Variants in PLIN3 observed in about 807,000 individuals in gnomAD.
PLIN3 encodes perilipin 3, also known as perilipin-3.
Under a neutral mutation model 35.9 loss-of-function variants are expected in PLIN3, and 30 were observed. The ratio of observed to expected loss-of-function variants is 0.84; its 90% CI spans 0.62 to 1.13. The LOEUF (loss-of-function observed/expected upper bound fraction) is 1.13. Among genes scored for constraint, PLIN3 ranks in the 50% most tolerant of loss-of-function variants. The pLI, the probability that PLIN3 is intolerant of heterozygous loss-of-function variation, is 0.00. For missense variants in PLIN3, 603 were observed against 596.9 expected (o/e 1.01, Z -0.11); for synonymous variants, 261 against 262.5 (o/e 0.99, Z 0.06).
At chr19:4,861,445 C>T (rs2030673961) in intron 1 of PLIN3, 34 bp from the exon 2 acceptor site, 1 of 1,492,840 alleles carries the variant, frequency 6.7e-7, no homozygotes, top group African/African-American at 1.4e-5. Flanking sequence ...TACAGCCTGC[C>T]TGGCCCCACC....
intron 1 of PLIN3, among the ~76,000 whole-genome samples, chr19:4,865,237 C>G (rs112562380): frequency 6.6e-6 from 1 of 151,800 alleles, no homozygotes; most frequent in South Asian, 2.1e-4. Flanking sequence ...GCCTGTAATC[C>G]CAGCACTTTG....
intron 5 of PLIN3, among the ~76,000 whole-genome samples, chr19:4,849,962 T>G (rs1402115354): frequency 6.6e-6 from 1 of 151,832 alleles, no homozygotes; most frequent in Non-Finnish European, 1.5e-5. Context: ...TTATTTTTTT[T>G]GAGATGGAGT....
chr19:4,864,455 GTT>G (rs918927488), intron 1 of PLIN3, among the ~76,000 whole-genome samples: 1 of 134,846 alleles, frequency 7.4e-6, no homozygotes, highest in Admixed American at 7.4e-5. Flanking sequence ...GCCGTGGTTT[GTT>G]TTTTTTTTTG....
At chr19:4,861,445 C>G (rs2030673961) in intron 1 of PLIN3, 34 bp from the exon 2 acceptor site, 3 of 1,492,842 alleles carry the variant, frequency 2.0e-6, no homozygotes, top group Non-Finnish European at 2.8e-6. Context: ...TACAGCCTGC[C>G]TGGCCCCACC....
At chr19:4,861,276 C>G in intron 2 of PLIN3, 53 bp downstream of exon 2, 1 of 1,527,944 alleles carries the variant, frequency 6.5e-7, no homozygotes, top group Non-Finnish European at 9.1e-7. Context: ...GGGAAGCCTC[C>G]TTGCACGGGA....
At position 4,839,293 on chromosome 19, in the gene PLIN3, C is replaced by T. The variant is rs2093625235; in HGVS notation, c.1204G>A (p.Asp402Asn). 4.3e-6 allele frequency: 7 copies of T among 1,614,062 alleles called. No homozygotes were observed. Among genetic ancestry groups the T allele is most frequent in the Non-Finnish European group, 5.9e-6 (7 of 1,180,014 alleles). ...ERVASAREALDHMVEYVAQNT... is the reference protein window; with the variant it reads ...ERVASAREALNHMVEYVAQNT... ...TGGGCCACATATTCCACCATGTGGTCCAGGGCCTCGCGGGCGCTGGCGACA... is the reference window on the plus strand; with the variant it reads ...TGGGCCACATATTCCACCATGTGGTTCAGGGCCTCGCGGGCGCTGGCGACA... Residue 402 changes from aspartate to asparagine, a missense_variant, in exon 8 of 8, where the codon GAC becomes AAC. Transcript: ENST00000221957.
At chr19:4,864,886 C>T (rs2030798840) in intron 1 of PLIN3, among the ~76,000 whole-genome samples, 2 of 152,120 alleles carry the variant, frequency 1.3e-5, no homozygotes, top group African/African-American at 4.8e-5. Context: ...CCTCGGTCAT[C>T]TTACCTGTAA....
chr19:4,857,206 G>A (rs1285208559), intron 4 of PLIN3, among the ~76,000 whole-genome samples: 1 of 152,094 alleles, frequency 6.6e-6, no homozygotes, highest in Non-Finnish European at 1.5e-5. Context: ...GTGGGGCTGA[G>A]GCAGGAGGAT....
intron 5 of PLIN3, among the ~76,000 whole-genome samples, chr19:4,849,177 T>G (rs2030204838): frequency 2.0e-5 from 3 of 152,118 alleles, no homozygotes; most frequent in African/African-American, 4.8e-5. Context: ...CTCACTATGT[T>G]GCCCAGGCTG....
At position 4,843,749 on chromosome 19, in the gene PLIN3, T is replaced by C. The variant is rs190221608; in HGVS notation, c.960+919A>G. ...TACTTGGGAGGCTGAGGCGAGAGGATTGCCTGAGCCTGCAATGGCGAGGCC... is the reference window on the plus strand; with the variant it reads ...TACTTGGGAGGCTGAGGCGAGAGGACTGCCTGAGCCTGCAATGGCGAGGCC... On this transcript the variant is annotated intron_variant, in intron 7 of 7. Coordinates refer to ENST00000221957, the MANE Select transcript of PLIN3 (RefSeq NM_005817.5). Among the ~76,000 whole-genome samples the C allele has an allele frequency of 6.9e-3, 1,055 of 151,904 alleles. 49 individuals are homozygous for C. Among genetic ancestry groups the C allele is most frequent in the Admixed American group, 0.06 (908 of 15,218 alleles).
rs2146192006 is a variant in PLIN3, at chr19:4,839,082, A to G, written c.*110T>C. On this transcript the variant is annotated 3_prime_UTR_variant, in exon 8 of 8. Transcript: ENST00000221957. Reference sequence around the variant, plus strand: ...TAGCTTCCCAAGTGGACAGCACAGAAGAGCTGGGAGGAGTGGCTAGAAAAT... The same window carrying G: ...TAGCTTCCCAAGTGGACAGCACAGAGGAGCTGGGAGGAGTGGCTAGAAAAT... The G allele has an allele frequency of 1.1e-6, 1 of 875,926 alleles. No individual in the cohort carries two copies. The highest frequency in any genetic ancestry group is 2.5e-5 in the East Asian group (1 of 40,352). The allele number at this position is 875,926 out of a possible 1,614,324, so 54.3% of individuals were successfully genotyped here. A position where few individuals can be genotyped will look rare whatever the true frequency, so the allele number is the denominator to read the frequency against.
At chr19:4,847,605 T>G (rs1599162337) in intron 6 of PLIN3, 86 bp downstream of exon 6, 1 of 1,131,124 alleles carries the variant, frequency 8.8e-7, no homozygotes, top group Non-Finnish European at 1.3e-6. Flanking sequence ...TGCAGAGGGG[T>G]GAGCAATAAG....
At position 4,839,512 on chromosome 19, in the gene PLIN3, T is replaced by C. The variant is rs917929824; in HGVS notation, c.985A>G (p.Met329Val). The stretch of plus-strand genomic sequence containing the variant: ...AGTTGCTGGGCAATGTCCCGGAACA[T>C]GGTGAGCGCCCGGGACTCGACCTGC... Reference protein sequence around the residue: ...PEQVESRALTMFRDIAQQLQA... With the variant: ...PEQVESRALTVFRDIAQQLQA... The change falls in exon 8 of 8, where the codon ATG becomes GTG. Residue 329 changes from methionine (M) to valine (V), a missense_variant. Coordinates refer to ENST00000221957, the MANE Select transcript of PLIN3 (RefSeq NM_005817.5). 9.8e-6 allele frequency: 15 copies of C among 1,534,954 alleles called. No individual in the cohort carries two copies. In the East Asian group the frequency reaches 1.4e-4, roughly 14 times the overall value.
chr19:4,864,652 G>C (rs2030791609), intron 1 of PLIN3, among the ~76,000 whole-genome samples: 1 of 151,960 alleles, frequency 6.6e-6, no homozygotes, highest in Admixed American at 6.6e-5. Context: ...GAGATAACAT[G>C]CCTGCCTGCA....
At chr19:4,846,582 C>A (rs561699905) in intron 6 of PLIN3, among the ~76,000 whole-genome samples, 2 of 151,936 alleles carry the variant, frequency 1.3e-5, no homozygotes, top group Non-Finnish European at 2.9e-5. Context: ...GCCTGTGATC[C>A]CAGCTACTCG....
At chr19:4,857,624 G>A (rs1206676870) in intron 4 of PLIN3, among the ~76,000 whole-genome samples, 1 of 151,862 alleles carries the variant, frequency 6.6e-6, no homozygotes, top group African/African-American at 2.4e-5. Flanking sequence ...CAAGCCATGT[G>A]CTGTTCTGGG....
intron 7 of PLIN3, among the ~76,000 whole-genome samples, chr19:4,843,727 T>C (rs1206166496): frequency 6.6e-6 from 1 of 151,776 alleles, no homozygotes; most frequent in African/African-American, 2.4e-5. Context: ...TCCCAGCTAC[T>C]TGGGAGGCTG....
intron 5 of PLIN3, 54 bp from the exon 6 acceptor site, chr19:4,847,944 C>G: frequency 3.1e-6 from 4 of 1,295,340 alleles, no homozygotes; most frequent in Non-Finnish European, 3.3e-6. Context: ...CAGCTGGGCT[C>G]GTCCCATGCA....
intron 4 of PLIN3, among the ~76,000 whole-genome samples, chr19:4,852,652 T>A (rs1008135578): frequency 1.3e-5 from 2 of 152,098 alleles, no homozygotes; most frequent in Non-Finnish European, 1.5e-5. Flanking sequence ...TTTCTTTTTT[T>A]TTTTTGGAGA....
Sources: allele counts gnomAD v4.1 joint callset (sites outside exome capture counted in the v4.1 genomes callset), GRCh38; gene constraint gnomAD v4.1.1; transcripts MANE v1.5; gene names NCBI Gene and HGNC (gene_info 2026-07-23, HGNC 2026-07-21).